KLHL29: variants seen among roughly 807,000 people sequenced by gnomAD.
KLHL29 encodes kelch-like protein 29.
KLHL29 carries 21 observed loss-of-function variants against 80.4 expected under a neutral mutation model. The ratio of observed to expected loss-of-function variants is 0.26; its 90% CI spans 0.19 to 0.38. KLHL29 has a LOEUF of 0.38. Among genes scored for constraint, KLHL29 ranks in the 10% least tolerant of loss-of-function variants. KLHL29 has a pLI of 1.00. For synonymous variants in KLHL29, 511 were observed against 526.8 expected (o/e 0.97, Z 0.41); for missense variants, 867 against 1,223.9 (o/e 0.71, Z 4.35).
chr2:23,549,220 G>A (rs1295016296), intron 2 of KLHL29, among the ~76,000 whole-genome samples: 2 of 152,260 alleles, frequency 1.3e-5, no homozygotes, highest in Non-Finnish European at 2.9e-5. Flanking sequence ...GGGGCCAGCA[G>A]TCCCAGGCTG....
Position 23,691,761 on chromosome 2 carries a change from G to A in KLHL29, c.1167G>A (p.Leu389=). ...AGGCAGACGTCCTGGAGTTGCTGCT[G>A]GAGTTTGTCTACACGGGCTCCCTGG... ...NLQADVLELL[L]EFVYTGSLVI... The change falls in exon 7 of 14, where the codon CTG becomes CTA. Residue 389 remains leucine, a synonymous_variant. Coordinates refer to ENST00000486442, the MANE Select transcript of KLHL29 (RefSeq NM_052920.2). 1.9e-6 allele frequency: 3 copies of A among 1,551,798 alleles called. No individual in the cohort carries two copies. The highest frequency in any genetic ancestry group is 1.2e-5 in the South Asian group (1 of 84,066).
intron 1 of KLHL29, among the ~76,000 whole-genome samples, chr2:23,406,382 A>T (rs1351454318): frequency 1.3e-5 from 2 of 151,876 alleles, no homozygotes; most frequent in Admixed American, 6.6e-5. Flanking sequence ...ATGATTGTTA[A>T]TATTTTATCA....
intron 1 of KLHL29, among the ~76,000 whole-genome samples, chr2:23,403,720 A>AGTGTGT (rs1166505896): frequency 7.1e-6 from 1 of 140,592 alleles, no homozygotes; most frequent in African/African-American, 2.8e-5. Context: ...AAAGAGAGAG[A>AGTGTGT]GAGAGAGTGT....
chr2:23,673,799 CAG>C lies in KLHL29; in HGVS notation c.941-10599_941-10598del, dbSNP rs374835679. Reference sequence around the variant, plus strand: ...ACTCACATACACATACATTAGCACACAGGGGTGCATACACACGCCCTCCATGT... The same window carrying C: ...ACTCACATACACATACATTAGCACACGGGTGCATACACACGCCCTCCATGT... On this transcript the variant is annotated intron_variant, in intron 5 of 13. Transcript: ENST00000486442. 3.4e-3 allele frequency among the ~76,000 whole-genome samples: 520 copies of C among 152,082 alleles called. 5 individuals carry two copies. Among genetic ancestry groups the C allele is most frequent in the African/African-American group, 0.012 (486 of 41,454 alleles).
chr2:23,703,149 C>T (rs1672499396), intron 11 of KLHL29, 37 bp from the exon 12 acceptor site: 4 of 1,374,712 alleles, frequency 2.9e-6, no homozygotes, highest in Non-Finnish European at 3.8e-6. Context: ...GCACAAGGTC[C>T]ATCTTGACCC....
At chr2:23,623,442 T>A (rs1669234980) in intron 3 of KLHL29, among the ~76,000 whole-genome samples, 2 of 152,220 alleles carry the variant, frequency 1.3e-5, no homozygotes, top group East Asian at 3.9e-4. Flanking sequence ...ACCATCTGTT[T>A]CCCTCCATCA....
chr2:23,560,681 C>G (rs953401488), intron 2 of KLHL29, among the ~76,000 whole-genome samples: 3 of 152,214 alleles, frequency 2.0e-5, no homozygotes, highest in African/African-American at 7.2e-5. Flanking sequence ...AGCTCTGTTT[C>G]AGGCGGGGCT....
intron 1 of KLHL29, among the ~76,000 whole-genome samples, chr2:23,438,701 GATTTGGTTTGCCAGTATTTT>G (rs1321973723): frequency 6.7e-6 from 1 of 149,918 alleles, no homozygotes; most frequent in Non-Finnish European, 1.5e-5. Flanking sequence ...TGTGCTGCTG[GATTTGGTTTGCCAGTATTTT>G]ATTGAGGATT....
intron 2 of KLHL29, among the ~76,000 whole-genome samples, chr2:23,484,664 C>T (rs1664882151): frequency 6.6e-6 from 1 of 152,212 alleles, no homozygotes; most frequent in Admixed American, 6.5e-5. Flanking sequence ...CTCTCCATCT[C>T]AGAACAGTGT....
intron 3 of KLHL29, among the ~76,000 whole-genome samples, chr2:23,590,794 G>A (rs930219837): frequency 6.6e-6 from 1 of 152,194 alleles, no homozygotes; most frequent in African/African-American, 2.4e-5. Flanking sequence ...AGCAGATCAA[G>A]TGGTCGTTTA....
At chr2:23,399,982 G>A (rs958393208) in intron 1 of KLHL29, among the ~76,000 whole-genome samples, 4 of 152,218 alleles carry the variant, frequency 2.6e-5, no homozygotes, top group Non-Finnish European at 5.9e-5. Context: ...AGATGGCACT[G>A]TGGTTTGGAG....
intron 2 of KLHL29, among the ~76,000 whole-genome samples, chr2:23,554,484 G>A (rs1002381992): frequency 2.0e-5 from 3 of 152,158 alleles, no homozygotes; most frequent in Admixed American, 6.5e-5. Flanking sequence ...CCTCACAGCC[G>A]GCCGCCCACT....
At chr2:23,401,957 T>G (rs1026167585) in intron 1 of KLHL29, among the ~76,000 whole-genome samples, 1 of 152,220 alleles carries the variant, frequency 6.6e-6, no homozygotes, top group Non-Finnish European at 1.5e-5. Context: ...CTGTGGAAAA[T>G]GATCACCTCA....
chr2:23,550,502 A>C (rs1316395948), intron 2 of KLHL29, among the ~76,000 whole-genome samples: 1 of 152,190 alleles, frequency 6.6e-6, no homozygotes, highest in Non-Finnish European at 1.5e-5. Context: ...AGGGATGTTA[A>C]TGTCCCCGGC....
chr2:23,573,087 G>A (rs1431719303), intron 3 of KLHL29, among the ~76,000 whole-genome samples: 13 of 152,120 alleles, frequency 8.5e-5, no homozygotes, highest in African/African-American at 2.9e-4. Context: ...TTGGGCCTGA[G>A]CCCGGATGAT....
chr2:23,609,820 A>G (rs1668814179), intron 3 of KLHL29, among the ~76,000 whole-genome samples: 1 of 152,202 alleles, frequency 6.6e-6, no homozygotes, highest in South Asian at 2.1e-4. Context: ...AAACCCAGAC[A>G]CAAAGAGATT....
intron 1 of KLHL29, among the ~76,000 whole-genome samples, chr2:23,454,860 T>A (rs1663999030): frequency 6.6e-6 from 1 of 151,888 alleles, no homozygotes; most frequent in Non-Finnish European, 1.5e-5. Context: ...CTATGCCAGG[T>A]GCCAAGTGTA....
chr2:23,513,993 G>T (rs1398730402), intron 2 of KLHL29, among the ~76,000 whole-genome samples: 1 of 152,202 alleles, frequency 6.6e-6, no homozygotes, highest in Non-Finnish European at 1.5e-5. Flanking sequence ...AAGGAGTAAT[G>T]CTGAACCTGC....
At chr2:23,672,874 C>T (rs546894838) in intron 5 of KLHL29, 1 of 152,288 alleles carries the variant, frequency 6.6e-6, no homozygotes, top group Admixed American at 6.5e-5. Flanking sequence ...GAAGGGAGCT[C>T]ATGATGGTGT....
Sources: gnomAD v4.1 joint callset for allele counts (sites outside exome capture counted in the v4.1 genomes callset) on GRCh38, gnomAD v4.1.1 for gene constraint, MANE v1.5 for transcripts, NCBI Gene and HGNC (gene_info 2026-07-23, HGNC 2026-07-21) for gene names.